Variants in RGS6 observed in about 807,000 individuals in gnomAD.
RGS6 encodes the protein regulator of G protein signaling 6.
In RGS6, 30 loss-of-function variants were observed where a neutral mutation model predicts 78.5. The observed-to-expected ratio is 0.38, with a 90% confidence interval of 0.29 to 0.52. The LOEUF is 0.52. Among genes scored for constraint, RGS6 ranks in the 20% least tolerant of loss-of-function variants. The pLI is 0.85. For missense variants in RGS6, 495 were observed against 609.7 expected (o/e 0.81, Z 1.98); for synonymous variants, 206 against 206.0 (o/e 1.00, Z 0.00).
chr14:72,184,369 A>ACACAC (rs2097210745), intron 2 of RGS6, among the ~76,000 whole-genome samples: 1 of 141,284 alleles, frequency 7.1e-6, no homozygotes, highest in Non-Finnish European at 1.5e-5. Flanking sequence ...TTTACTTTCA[A>ACACAC]ACACACACAC....
chr14:72,276,533 C>G (rs960632300), intron 2 of RGS6, among the ~76,000 whole-genome samples: 6 of 152,194 alleles, frequency 3.9e-5, no homozygotes, highest in African/African-American at 1.2e-4. Context: ...CCACCCAACT[C>G]TCATCTTGAA....
the RGS6 span, among the ~76,000 whole-genome samples, chr14:72,614,665 C>T: frequency 6.6e-6 from 1 of 150,390 alleles, no homozygotes; most frequent in African/African-American, 2.5e-5. Flanking sequence ...ACACAACCAA[C>T]GGGCGGCCTC....
chr14:71,964,099 A>T (rs1044623638), intron 1 of RGS6, among the ~76,000 whole-genome samples: 1 of 151,646 alleles, frequency 6.6e-6, no homozygotes, highest in Non-Finnish European at 1.5e-5. Context: ...CTGGATTTTG[A>T]TTTCCCTAAT....
intron 2 of RGS6, among the ~76,000 whole-genome samples, chr14:72,175,804 C>T (rs1240842921): frequency 1.3e-5 from 2 of 151,988 alleles, no homozygotes; most frequent in East Asian, 1.9e-4. Flanking sequence ...TACAGCAGCA[C>T]GGCCTAGTGG....
intron 2 of RGS6, among the ~76,000 whole-genome samples, chr14:72,160,121 A>G (rs1025543991): frequency 1.1e-4 from 16 of 152,344 alleles, no homozygotes; most frequent in Admixed American, 3.3e-4. Flanking sequence ...TGCCCAATAA[A>G]TAGTAAATGT....
chr14:72,493,162 C>G (rs1200029714), intron 12 of RGS6, among the ~76,000 whole-genome samples: 1 of 152,076 alleles, frequency 6.6e-6, no homozygotes, highest in Non-Finnish European at 1.5e-5. Context: ...AAATGGATGT[C>G]CAAAGATTTT....
At chr14:72,188,681 A>G (rs935344939) in intron 2 of RGS6, among the ~76,000 whole-genome samples, 1 of 152,166 alleles carries the variant, frequency 6.6e-6, no homozygotes, top group Non-Finnish European at 1.5e-5. Context: ...TGTCATGTGC[A>G]TCACCCTGTG....
chr14:72,342,617 C>T (rs2077229796), intron 2 of RGS6, among the ~76,000 whole-genome samples: 1 of 147,296 alleles, frequency 6.8e-6, no homozygotes, highest in Non-Finnish European at 1.5e-5. Flanking sequence ...GTAATCCCAG[C>T]TACTTGGGAT....
intron 2 of RGS6, among the ~76,000 whole-genome samples, chr14:71,982,418 A>G (rs138076875): frequency 6.6e-6 from 1 of 152,082 alleles, no homozygotes; most frequent in African/African-American, 2.4e-5. Context: ...GAACTTAACT[A>G]TTTTTTTCTT....
chr14:71,871,425 T>C, the RGS6 span, among the ~76,000 whole-genome samples: 6 of 152,196 alleles, frequency 3.9e-5, no homozygotes, highest in African/African-American at 1.4e-4. Context: ...TATTCTTTCC[T>C]CTCGTCTCTG....
At chr14:72,547,542 G>A (rs1055802426) in intron 17 of RGS6, among the ~76,000 whole-genome samples, 2 of 152,224 alleles carry the variant, frequency 1.3e-5, no homozygotes, top group African/African-American at 4.8e-5. Flanking sequence ...GGAATAGCCT[G>A]TAAGATGTTG....
chr14:72,513,464 G>T (rs1018623502), intron 14 of RGS6, among the ~76,000 whole-genome samples: 1 of 152,136 alleles, frequency 6.6e-6, no homozygotes, highest in Non-Finnish European at 1.5e-5. Flanking sequence ...CTGTGGCAGG[G>T]TCTACCTCTT....
chr14:72,374,555 C>A (rs1220868181), intron 3 of RGS6, among the ~76,000 whole-genome samples: 1 of 152,142 alleles, frequency 6.6e-6, no homozygotes, highest in African/African-American at 2.4e-5. Context: ...CAGTACTGCC[C>A]CCAGCTACCA....
the RGS6 span, among the ~76,000 whole-genome samples, chr14:71,883,832 G>A: frequency 6.6e-6 from 1 of 152,148 alleles, no homozygotes; most frequent in Non-Finnish European, 1.5e-5. Context: ...GGCAATGTCA[G>A]GAAGTTACCC....
chr14:72,391,467 C>T (rs903804927), intron 3 of RGS6, among the ~76,000 whole-genome samples: 2 of 152,146 alleles, frequency 1.3e-5, no homozygotes, highest in African/African-American at 4.8e-5. Context: ...GGTGGGCTTT[C>T]CCCGCAGTGA....
the RGS6 span, among the ~76,000 whole-genome samples, chr14:71,894,519 G>A: frequency 7.2e-5 from 11 of 152,154 alleles, no homozygotes; most frequent in Non-Finnish European, 1.6e-4. Context: ...TGGAGCAGCT[G>A]TCCTTTCACC....
chr14:72,152,889 G>A (rs997231060), intron 2 of RGS6, among the ~76,000 whole-genome samples: 5 of 152,074 alleles, frequency 3.3e-5, no homozygotes, highest in African/African-American at 1.2e-4. Context: ...GGAATTTATT[G>A]GGTAAAAAGG....
At chr14:72,319,556 T>C (rs1375352159) in intron 2 of RGS6, among the ~76,000 whole-genome samples, 1 of 152,044 alleles carries the variant, frequency 6.6e-6, no homozygotes, top group Non-Finnish European at 1.5e-5. Flanking sequence ...GGTTTTACTA[T>C]GGTCTCGATC....
the RGS6 span, among the ~76,000 whole-genome samples, chr14:72,623,777 A>G: frequency 0.014 from 2,105 of 152,332 alleles, 54 homozygotes; most frequent in African/African-American, 0.047. Context: ...AGTGCTCCAA[A>G]ACAATGACTA....
Sources: allele counts gnomAD v4.1 joint callset (sites outside exome capture counted in the v4.1 genomes callset), GRCh38; gene constraint gnomAD v4.1.1; transcripts MANE v1.5; gene names NCBI Gene and HGNC (gene_info 2026-07-23, HGNC 2026-07-21).